KCNN2: variants seen among roughly 807,000 people sequenced by gnomAD.
KCNN2 encodes the protein potassium calcium-activated channel subfamily N member 2.
In KCNN2, 24 loss-of-function variants were observed where a neutral mutation model predicts 55.5. The ratio of observed to expected loss-of-function variants is 0.43; its 90% CI spans 0.31 to 0.61. The LOEUF (loss-of-function observed/expected upper bound fraction) is 0.61. Among genes scored for constraint, KCNN2 ranks in the 20% least tolerant of loss-of-function variants. KCNN2 has a pLI of 0.08. For missense variants in KCNN2, 754 were observed against 853.6 expected (o/e 0.88, Z 1.45); for synonymous variants, 431 against 336.1 (o/e 1.28, Z -3.09).
At chr5:114,477,979 T>C (rs1037936154) in intron 5 of KCNN2, among the ~76,000 whole-genome samples, 1 of 152,204 alleles carries the variant, frequency 6.6e-6, no homozygotes, top group African/African-American at 2.4e-5. Flanking sequence ...TTTCACATTG[T>C]CCTTGGCTCA....
At chr5:114,112,663 A>G (rs990634851) in intron 1 of KCNN2, among the ~76,000 whole-genome samples, 3 of 142,988 alleles carry the variant, frequency 2.1e-5, no homozygotes, top group Non-Finnish European at 4.6e-5. Context: ...GTAAATTTCA[A>G]GATTGTATTT....
chr5:114,463,258 C>T (rs183511558), intron 4 of KCNN2, 68 bp downstream of exon 4: 146 of 1,234,476 alleles, frequency 1.2e-4, no homozygotes, highest in African/African-American at 2.7e-4. Flanking sequence ...ACTCAGTCCA[C>T]GTGCATAAGT....
At chr5:114,218,686 G>T (rs1052460015) in intron 1 of KCNN2, among the ~76,000 whole-genome samples, 31 of 152,262 alleles carry the variant, frequency 2.0e-4, no homozygotes, top group African/African-American at 7.0e-4. Context: ...CAAAACCATA[G>T]AATGTACATA....
intron 2 of KCNN2, among the ~76,000 whole-genome samples, chr5:114,297,050 A>G (rs1397267326): frequency 6.6e-6 from 1 of 152,190 alleles, no homozygotes; most frequent in Admixed American, 6.6e-5. Flanking sequence ...TAGTATTTGA[A>G]TTCTTTTAAA....
chr5:114,411,401 G>T (rs1759128070), intron 3 of KCNN2, among the ~76,000 whole-genome samples: 1 of 152,074 alleles, frequency 6.6e-6, no homozygotes, highest in Admixed American at 6.6e-5. Flanking sequence ...CAGGATTATG[G>T]AGACTGAGAA....
At chr5:114,253,813 T>G (rs1046052921) in intron 2 of KCNN2, 1 of 152,236 alleles carries the variant, frequency 6.6e-6, no homozygotes, top group Non-Finnish European at 1.5e-5. Flanking sequence ...TTTTTACAGA[T>G]TATGAATCTT....
chr5:114,415,155 C>A (rs1469047723), intron 3 of KCNN2, among the ~76,000 whole-genome samples: 1 of 152,258 alleles, frequency 6.6e-6, no homozygotes, highest in East Asian at 1.9e-4. Flanking sequence ...GAAGTTTGTT[C>A]CTTTTTATTG....
chr5:114,206,598 C>A (rs555250559), intron 1 of KCNN2, among the ~76,000 whole-genome samples: 2 of 152,168 alleles, frequency 1.3e-5, no homozygotes, highest in South Asian at 4.1e-4. Flanking sequence ...CTCTCGTTAG[C>A]CTTTCCAGAC....
chr5:114,176,087 T>C (rs1200853207), intron 1 of KCNN2, among the ~76,000 whole-genome samples: 1 of 152,220 alleles, frequency 6.6e-6, no homozygotes, highest in Admixed American at 6.5e-5. Flanking sequence ...CCAGTGTTTC[T>C]TGACCTCAGC....
intron 4 of KCNN2, among the ~76,000 whole-genome samples, chr5:114,471,289 A>C (rs1761724154): frequency 6.6e-6 from 1 of 150,608 alleles, no homozygotes; most frequent in South Asian, 2.1e-4. Context: ...TAACCTAGGT[A>C]CATCCTCCTG....
chr5:114,149,540 G>T (rs1030937610), intron 1 of KCNN2, among the ~76,000 whole-genome samples: 1 of 152,154 alleles, frequency 6.6e-6, no homozygotes, highest in Admixed American at 6.5e-5. Flanking sequence ...ATTAAGTTTA[G>T]TGAGGGCGGG....
At chr5:114,234,400 C>G (rs1416680487) in intron 2 of KCNN2, among the ~76,000 whole-genome samples, 2 of 152,134 alleles carry the variant, frequency 1.3e-5, no homozygotes, top group African/African-American at 4.8e-5. Flanking sequence ...GCACAGTTTC[C>G]TTTTAACTTT....
intron 1 of KCNN2, among the ~76,000 whole-genome samples, chr5:114,062,031 C>T (rs939297549): frequency 6.6e-6 from 1 of 152,056 alleles, no homozygotes; most frequent in Admixed American, 6.5e-5. Context: ...AATATTTAGA[C>T]ATCTTCTCAT....
chr5:114,398,519 T>G (rs1758689822), intron 2 of KCNN2, among the ~76,000 whole-genome samples: 1 of 152,000 alleles, frequency 6.6e-6, no homozygotes, highest in Non-Finnish European at 1.5e-5. Context: ...TTAGGATTGC[T>G]TTGGCTATTC....
At chr5:114,291,855 G>A (rs1242679592) in intron 2 of KCNN2, among the ~76,000 whole-genome samples, 2 of 152,140 alleles carry the variant, frequency 1.3e-5, no homozygotes, top group African/African-American at 4.8e-5. Context: ...AGCACCTATT[G>A]TTTCCTGACT....
rs1487166571 is a variant in KCNN2 at position 114,109,239 on chromosome 5, T to C, written c.-271+52739T>C. Among the ~76,000 whole-genome samples the C allele has an allele frequency of 2.6e-5, 4 of 152,242 alleles. No individual in the cohort carries two copies. The East Asian group carries it at 5.8e-4, about 22-fold the overall frequency. On this transcript the variant is annotated intron_variant, in intron 1 of 10. Coordinates refer to the KCNN2 transcript ENST00000512097. ...ACTGTCTGAAGGCTGCTTTGAGTTA[T>C]TTGCCATGTAGCTTTCTCTATAGGG...
chr5:114,220,456 T>A (rs1754109649), intron 1 of KCNN2, among the ~76,000 whole-genome samples: 1 of 151,916 alleles, frequency 6.6e-6, no homozygotes, highest in Non-Finnish European at 1.5e-5. Flanking sequence ...AAGTAAATTA[T>A]CCAAAGAAAT....
At chr5:114,261,524 G>A (rs115623389) in intron 2 of KCNN2, among the ~76,000 whole-genome samples, 44 of 152,130 alleles carry the variant, frequency 2.9e-4, no homozygotes, top group Admixed American at 2.8e-3. Context: ...GTCCAAAAAG[G>A]CAGAGGGCCA....
rs577904972 is a variant in KCNN2, at chr5:114,362,964, C to T, written c.825C>T (p.Ala275=). ...AAAAAAVSSS[A]PEIVVSKPEH... ...CCGCCGCCGCTGTTTCGTCCTCAGC[C>T]CCCGAGATCGTGGTGTCTAAGCCCG... is the stretch of plus-strand genomic sequence containing the variant. The change falls in exon 1 of 8, where the codon GCC becomes GCT. Residue 275 remains alanine (A), a synonymous_variant. Transcript: ENST00000673685. The T allele has an allele frequency of 3.1e-6, 5 of 1,589,018 alleles. No homozygotes were observed. The South Asian group carries it at 3.3e-5, about 11-fold the overall frequency.
Sources: allele counts gnomAD v4.1 joint callset (sites outside exome capture counted in the v4.1 genomes callset), GRCh38; gene constraint gnomAD v4.1.1; transcripts MANE v1.5; gene names NCBI Gene and HGNC (gene_info 2026-07-23, HGNC 2026-07-21).